Variants in ROBO2 observed in about 807,000 individuals in gnomAD.
ROBO2 encodes the protein roundabout guidance receptor 2.
Under a neutral mutation model 160.8 loss-of-function variants are expected in ROBO2, and 53 were observed. That is an observed-to-expected ratio of 0.33 (90% CI 0.26 to 0.41). The LOEUF (loss-of-function observed/expected upper bound fraction) is 0.41, where lower values mean the gene tolerates loss of function less well. ROBO2 is among the 10% of genes least tolerant of loss of function. The probability of loss-of-function intolerance (pLI) is 1.00; values close to 1 mark genes in which losing one functional copy is unlikely to be tolerated. For synonymous variants in ROBO2, 664 were observed against 611.7 expected (o/e 1.09, Z -1.26); for missense variants, 1,577 against 1,722.4 (o/e 0.92, Z 1.49).
Position 76,806,615 on chromosome 3 carries a change from CA to C in ROBO2, c.110-291395del, listed in dbSNP as rs1283006398. Among the ~76,000 whole-genome samples the C allele has an allele frequency of 2.0e-5, 3 of 152,030 alleles. No homozygotes were observed. The East Asian group carries it at 5.8e-4, about 29-fold the overall frequency. The stretch of plus-strand genomic sequence containing the variant: ...ACTTCAGCTTCTCAGAGATGCAATC[CA>C]AAACGATTGGCACACTCGTCATTTA... On this transcript the variant is annotated intron_variant, in intron 2 of 26. Coordinates refer to the ROBO2 transcript ENST00000487694.
At chr3:77,001,403 A>T (rs1028744443) in intron 2 of ROBO2, among the ~76,000 whole-genome samples, 67 of 152,302 alleles carry the variant, frequency 4.4e-4, no homozygotes, top group African/African-American at 1.6e-3. Flanking sequence ...ACACAATTTC[A>T]TCGGTATTAA....
chr3:76,293,965 G>A (rs1217673328), intron 2 of ROBO2, among the ~76,000 whole-genome samples: 1 of 152,106 alleles, frequency 6.6e-6, no homozygotes, highest in Non-Finnish European at 1.5e-5. Flanking sequence ...CCCATGCTGA[G>A]CCACCACCCT....
rs181089839 is a variant in ROBO2 at position 76,414,885 on chromosome 3, A to G, written c.109+477283A>G. Among the ~76,000 whole-genome samples the G allele has an allele frequency of 3.4e-3, 512 of 152,304 alleles. 3 individuals carry two copies. The highest frequency in any genetic ancestry group is 0.011 in the African/African-American group (468 of 41,572). On this transcript the variant is annotated intron_variant, in intron 2 of 26. Transcript: ENST00000487694. ...GTGATTGACACACAAGCTTGGCACA[A>G]TTTCACTGTCTCTTTGTGAAAGGAG...
chr3:77,058,060 T>G (rs1432884435), intron 1 of ROBO2, among the ~76,000 whole-genome samples: 1 of 152,182 alleles, frequency 6.6e-6, no homozygotes, highest in Non-Finnish European at 1.5e-5. Context: ...ATGTGTTGTT[T>G]TTTTCATTAA....
At chr3:76,346,984 G>A (rs1160964410) in intron 2 of ROBO2, among the ~76,000 whole-genome samples, 1 of 152,114 alleles carries the variant, frequency 6.6e-6, no homozygotes, top group Non-Finnish European at 1.5e-5. Flanking sequence ...AGAAGGTTAT[G>A]CCTACATTGG....
chr3:76,845,122 G>C (rs2068654380), intron 2 of ROBO2, among the ~76,000 whole-genome samples: 1 of 151,844 alleles, frequency 6.6e-6, no homozygotes, highest in South Asian at 2.1e-4. Flanking sequence ...TAAAACAAAA[G>C]TTAAATCGCC....
chr3:76,490,575 AG>A (rs2079764049), intron 2 of ROBO2, among the ~76,000 whole-genome samples: 3 of 152,232 alleles, frequency 2.0e-5, no homozygotes, highest in Admixed American at 1.3e-4. Context: ...CAGGACTGTG[AG>A]AAGTGATGAA....
intron 2 of ROBO2, among the ~76,000 whole-genome samples, chr3:76,698,829 AT>A (rs149101352): frequency 0.014 from 2,125 of 152,282 alleles, 56 homozygotes; most frequent in African/African-American, 0.049. Context: ...GGGAGAGGTT[AT>A]CAGCCAATGC....
chr3:77,070,580 G>A (rs956171726), intron 1 of ROBO2, among the ~76,000 whole-genome samples: 5 of 152,096 alleles, frequency 3.3e-5, no homozygotes, highest in African/African-American at 1.2e-4. Context: ...GGATTTTGCA[G>A]GGGGACACAC....
At chr3:76,345,258 A>T (rs2074454731) in intron 2 of ROBO2, among the ~76,000 whole-genome samples, 1 of 152,098 alleles carries the variant, frequency 6.6e-6, no homozygotes, top group Non-Finnish European at 1.5e-5. Context: ...GACCCAAGTC[A>T]TGGGAAAGGC....
intron 2 of ROBO2, among the ~76,000 whole-genome samples, chr3:76,970,482 G>T (rs560811685): frequency 2.0e-5 from 3 of 152,132 alleles, no homozygotes; most frequent in Admixed American, 2.0e-4. Flanking sequence ...AAAAGCTAAT[G>T]TCTTCATACA....
At chr3:77,419,000 T>G (rs926836008) in intron 2 of ROBO2, among the ~76,000 whole-genome samples, 5 of 152,274 alleles carry the variant, frequency 3.3e-5, no homozygotes, top group Admixed American at 2.0e-4. Context: ...GTATTCCTTC[T>G]TCATTCAAGA....
rs72902836 is a variant in ROBO2, at chr3:77,554,530, T to C, written c.1232-3414T>C. Reference sequence around the variant, plus strand: ...TCTGGAAAGGATATACCATTATAGATGCCATTAAGAACATTTATGATTTAT... The same window carrying C: ...TCTGGAAAGGATATACCATTATAGACGCCATTAAGAACATTTATGATTTAT... On this transcript the variant is annotated intron_variant, in intron 8 of 25. Transcript: ENST00000461745. Among the ~76,000 whole-genome samples the C allele has an allele frequency of 8.5e-3, 1,292 of 152,106 alleles. 20 individuals are homozygous for C. Among genetic ancestry groups the C allele is most frequent in the African/African-American group, 0.027 (1,115 of 41,534 alleles).
chr3:77,374,169 C>CAAAAAAAAAAAAAAA (rs60357417), intron 2 of ROBO2, among the ~76,000 whole-genome samples: 1 of 40,092 alleles, frequency 2.5e-5, no homozygotes, highest in Non-Finnish European at 3.7e-5. Context: ...GAGACTCCAT[C>CAAAAAAAAAAAAAAA]AAAAAAAAAA....
intron 2 of ROBO2, among the ~76,000 whole-genome samples, chr3:76,833,779 A>G (rs2067288724): frequency 6.6e-6 from 1 of 152,152 alleles, no homozygotes; most frequent in Non-Finnish European, 1.5e-5. Context: ...AAGTGCCCAC[A>G]GGGACACAGT....
chr3:76,272,908 T>TATATATAAAATATATATATTTATATATAA lies in ROBO2; in HGVS notation c.109+335323_109+335351dup, dbSNP rs1559706215. Among the ~76,000 whole-genome samples the TATATATAAAATATATATATTTATATATAA allele has an allele frequency of 4.1e-3, 137 of 33,312 alleles. 8 individuals carry two copies. The highest frequency in any genetic ancestry group is 0.011 in the African/African-American group (125 of 11,554). The allele number at this position is 33,312 out of a possible 152,430, so 21.9% of individuals were successfully genotyped here. A position where few individuals can be genotyped will look rare whatever the true frequency, so the allele number is the denominator to read the frequency against. On this transcript the variant is annotated intron_variant, in intron 2 of 26. Transcript: ENST00000487694. ...TATATATAAAAATATAATATATATT[T>TATATATAAAATATATATATTTATATATAA]ATATATAAAATATATATATTTATAT...
intron 2 of ROBO2, among the ~76,000 whole-genome samples, chr3:77,458,284 T>G (rs1376608049): frequency 6.6e-6 from 1 of 152,196 alleles, no homozygotes; most frequent in African/African-American, 2.4e-5. Flanking sequence ...TACTTGCAAT[T>G]GCAGAAAATA....
In ROBO2 at chr3:77,294,256, G is replaced by T. The variant is rs369122230; in HGVS notation, c.389-183158G>T. 7.3e-4 allele frequency among the ~76,000 whole-genome samples: 101 copies of T among 138,904 alleles called. 7 individuals carry two copies. In the East Asian group the frequency reaches 0.017, roughly 23 times the overall value. 91.1% of individuals were successfully genotyped at this position (138,904 alleles called of 152,430 possible). A position where few individuals can be genotyped will look rare whatever the true frequency, so the allele number is the denominator to read the frequency against. Reference sequence around the variant, plus strand: ...CCCCGGACATAAAGTAAAATTGATGGTTAAACGGGAAGTTGAGGCTAGAGC... The same window carrying T: ...CCCCGGACATAAAGTAAAATTGATGTTTAAACGGGAAGTTGAGGCTAGAGC... On this transcript the variant is annotated intron_variant, in intron 2 of 25. Coordinates refer to ENST00000461745, the Ensembl canonical transcript of ROBO2.
intron 2 of ROBO2, among the ~76,000 whole-genome samples, chr3:77,438,377 C>T (rs1358564556): frequency 6.6e-6 from 1 of 151,778 alleles, no homozygotes; most frequent in East Asian, 1.9e-4. Flanking sequence ...AAGCCTGAAA[C>T]TGAGTTTTAC....
Sources: gnomAD v4.1 joint callset for allele counts (sites outside exome capture counted in the v4.1 genomes callset) on GRCh38, gnomAD v4.1.1 for gene constraint, MANE v1.5 for transcripts, NCBI Gene and HGNC (gene_info 2026-07-23, HGNC 2026-07-21) for gene names.